The following ABLIM1 variants were observed in gnomAD, a reference collection of about 807,000 sequenced individuals.
ABLIM1 encodes actin binding LIM protein 1.
ABLIM1 carries 40 observed loss-of-function variants against 107.0 expected under a neutral mutation model. That is an observed-to-expected ratio of 0.37 (90% CI 0.29 to 0.49). ABLIM1 has a LOEUF of 0.49. ABLIM1 is among the 20% of genes least tolerant of loss of function. The pLI is 0.97. For synonymous variants in ABLIM1, 357 were observed against 357.3 expected (o/e 1.00, Z 0.01); for missense variants, 857 against 1,008.5 (o/e 0.85, Z 2.04).
chr10:114,730,395 CT>C (rs1209368571), intron 1 of ABLIM1, among the ~76,000 whole-genome samples: 2,364 of 124,194 alleles, frequency 0.019, 105 homozygotes, highest in African/African-American at 0.066. Flanking sequence ...GAAACTCCAT[CT>C]CAAAAAAAAA....
At position 114,448,031 on chromosome 10, in the gene ABLIM1, A is replaced by G. The variant is rs771262214; in HGVS notation, c.1595-11T>C. ...GGGCTGCCAAGGCAGCTGCATCTAG[A>G]TGGGAATCAGGGGTTGCTTAGCTAT... On this transcript the variant is annotated splice_polypyrimidine_tract_variant and intron_variant, in intron 14 of 22. Transcript: ENST00000533213. The G allele has an allele frequency of 7.9e-5, 128 of 1,613,944 alleles. No individual in the cohort carries two copies. Among genetic ancestry groups the G allele is most frequent in the Non-Finnish European group, 1.1e-4 (126 of 1,179,970 alleles).
intron 1 of ABLIM1, among the ~76,000 whole-genome samples, chr10:114,704,302 C>CTCTCTCTCTATATATATATA (rs1380460034): frequency 4.6e-5 from 2 of 43,090 alleles, no homozygotes; most frequent in Non-Finnish European, 9.5e-5. Context: ...CTCTCTCTCT[C>CTCTCTCTCTATATATATATA]TATATATATA....
At chr10:114,469,593 C>T (rs376426864) in intron 10 of ABLIM1, among the ~76,000 whole-genome samples, 2 of 152,230 alleles carry the variant, frequency 1.3e-5, no homozygotes, top group Non-Finnish European at 2.9e-5. Flanking sequence ...GCCCCTGGTA[C>T]GCTTTCTCTT....
chr10:114,644,361 T>TACAC (rs57006356), intron 1 of ABLIM1, among the ~76,000 whole-genome samples: 7 of 137,742 alleles, frequency 5.1e-5, no homozygotes, highest in African/African-American at 1.7e-4. Flanking sequence ...CATATATATA[T>TACAC]ACACACACAC....
intron 4 of ABLIM1, among the ~76,000 whole-genome samples, chr10:114,556,404 G>A (rs777279867): frequency 2.0e-5 from 3 of 152,160 alleles, no homozygotes; most frequent in Non-Finnish European, 4.4e-5. Context: ...CACTTTATAC[G>A]GGACAGATAG....
intron 6 of ABLIM1, among the ~76,000 whole-genome samples, chr10:114,532,926 A>G (rs1057213118): frequency 6.6e-6 from 1 of 152,234 alleles, no homozygotes. Flanking sequence ...AGGTCAGCAG[A>G]TACAAGTGGA....
chr10:114,547,138 CCT>C (rs2067454889), intron 5 of ABLIM1, among the ~76,000 whole-genome samples: 1 of 135,452 alleles, frequency 7.4e-6, no homozygotes. Context: ...GAAAATTTCC[CCT>C]CATTGCCAGG....
chr10:114,514,085 G>A (rs918288289), intron 6 of ABLIM1, among the ~76,000 whole-genome samples: 3 of 152,096 alleles, frequency 2.0e-5, no homozygotes, highest in African/African-American at 7.2e-5. Context: ...AAGACTCACA[G>A]AATAAAAAAG....
At chr10:114,693,826 C>CTTTT (rs5788078) in intron 1 of ABLIM1, among the ~76,000 whole-genome samples, 1 of 134,052 alleles carries the variant, frequency 7.5e-6, no homozygotes, top group Non-Finnish European at 1.6e-5. Flanking sequence ...TTTAAAAAAA[C>CTTTT]TTTTTTTTTT....
At chr10:114,783,225 T>G in the ABLIM1 span, among the ~76,000 whole-genome samples, 2 of 151,706 alleles carry the variant, frequency 1.3e-5, no homozygotes, top group African/African-American at 4.9e-5. Flanking sequence ...GAGGTTGCAG[T>G]GAGCCAAGAT....
intron 12 of ABLIM1, among the ~76,000 whole-genome samples, chr10:114,458,997 A>G (rs2063346938): frequency 6.6e-6 from 1 of 152,262 alleles, no homozygotes; most frequent in Non-Finnish European, 1.5e-5. Flanking sequence ...TGTTATGGAA[A>G]ATGAATGGGG....
chr10:114,567,494 T>C (rs2070930031), intron 4 of ABLIM1, among the ~76,000 whole-genome samples: 1 of 152,078 alleles, frequency 6.6e-6, no homozygotes, highest in Admixed American at 6.5e-5. Flanking sequence ...ATGAGGGAAA[T>C]AAAACAGATA....
intron 12 of ABLIM1, among the ~76,000 whole-genome samples, chr10:114,464,524 C>T (rs1016551693): frequency 1.3e-5 from 2 of 151,996 alleles, no homozygotes; most frequent in Non-Finnish European, 2.9e-5. Flanking sequence ...TGGACAAAGG[C>T]TTAAATCGGG....
chr10:114,509,911 GAAGA>G (rs1315383831), intron 6 of ABLIM1, among the ~76,000 whole-genome samples: 1 of 152,228 alleles, frequency 6.6e-6, no homozygotes, highest in Non-Finnish European at 1.5e-5. Context: ...GGCGGAAGAT[GAAGA>G]AAGAGCAAAG....
At chr10:114,763,205 C>G (rs1215512841) in intron 1 of ABLIM1, among the ~76,000 whole-genome samples, 3 of 152,058 alleles carry the variant, frequency 2.0e-5, no homozygotes, top group Admixed American at 1.3e-4. Context: ...AGAAAATTGT[C>G]TGGAAGGGTT....
intron 6 of ABLIM1, among the ~76,000 whole-genome samples, chr10:114,498,338 C>G (rs745693471): frequency 4.6e-5 from 7 of 152,178 alleles, no homozygotes; most frequent in Non-Finnish European, 4.4e-5. Flanking sequence ...AAAGAACATT[C>G]TTGATGGCAG....
At chr10:114,632,111 C>A (rs867260004) in intron 1 of ABLIM1, 2 of 985,236 alleles carry the variant, frequency 2.0e-6, no homozygotes, top group African/African-American at 1.7e-5. Context: ...ATGCCCGCCC[C>A]GCTATCGCCC....
intron 1 of ABLIM1, among the ~76,000 whole-genome samples, chr10:114,664,697 C>A (rs571919300): frequency 2.0e-5 from 3 of 151,552 alleles, no homozygotes; most frequent in African/African-American, 7.3e-5. Flanking sequence ...GTGTATGCCA[C>A]CATGCTTGGC....
the ABLIM1 span, among the ~76,000 whole-genome samples, chr10:114,788,334 TAAAAAAAAAAA>T: frequency 0.27 from 35,551 of 130,820 alleles, 4,631 homozygotes; most frequent in East Asian, 0.43. Context: ...AATAAAAAAA[TAAAAAAAAAAA>T]AAATAAATAA....
Sources: gnomAD v4.1 joint callset for allele counts (sites outside exome capture counted in the v4.1 genomes callset) on GRCh38, gnomAD v4.1.1 for gene constraint, MANE v1.5 for transcripts, NCBI Gene and HGNC (gene_info 2026-07-23, HGNC 2026-07-21) for gene names.